Variants in CCSER1 observed in about 807,000 individuals in gnomAD.
CCSER1 encodes serine-rich coiled-coil domain-containing protein 1.
Under a neutral mutation model 82.0 loss-of-function variants are expected in CCSER1, and 41 were observed. The ratio of observed to expected loss-of-function variants is 0.50; its 90% CI spans 0.39 to 0.65. The LOEUF (loss-of-function observed/expected upper bound fraction) is 0.65, where lower values mean the gene tolerates loss of function less well. CCSER1 is among the 30% of genes least tolerant of loss of function. CCSER1 has a pLI of 0.00. For missense variants in CCSER1, 1,119 were observed against 1,064.2 expected (o/e 1.05, Z -0.72); for synonymous variants, 414 against 383.9 (o/e 1.08, Z -0.92).
chr4:90,835,028 G>C (rs62311113), intron 8 of CCSER1, among the ~76,000 whole-genome samples: 47 of 151,918 alleles, frequency 3.1e-4, no homozygotes, highest in Non-Finnish European at 5.9e-4. Context: ...ATTTATTCTT[G>C]GGCTTTTAAT....
intron 10 of CCSER1, among the ~76,000 whole-genome samples, chr4:91,142,883 T>A (rs975611530): frequency 2.0e-5 from 3 of 152,096 alleles, no homozygotes; most frequent in African/African-American, 7.2e-5. Flanking sequence ...TTACTGTAAC[T>A]TTGTAGGGTA....
rs78144058 is a variant in CCSER1 at position 91,546,082 on chromosome 4, T to G, written c.2218-52490T>G. 4.1e-3 allele frequency among the ~76,000 whole-genome samples: 630 copies of G among 152,132 alleles called. 6 individuals carry two copies. Among genetic ancestry groups the G allele is most frequent in the African/African-American group, 0.014 (600 of 41,542 alleles). On this transcript the variant is annotated intron_variant, in intron 10 of 10. Transcript: ENST00000509176. ...TTTTGCCTGCTGGTATGATTGATTA[T>G]CTGAATTGAATATGAAAAGTTGAAC... is the stretch of plus-strand genomic sequence containing the variant.
chr4:90,449,101 A>C (rs149837924), intron 4 of CCSER1, among the ~76,000 whole-genome samples: 4 of 152,328 alleles, frequency 2.6e-5, no homozygotes, highest in Non-Finnish European at 4.4e-5. Flanking sequence ...CTCCACAGGC[A>C]GGTCACCCTG....
chr4:91,388,317 T>A (rs1021009546), intron 10 of CCSER1, among the ~76,000 whole-genome samples: 1 of 152,112 alleles, frequency 6.6e-6, no homozygotes, highest in African/African-American at 2.4e-5. Context: ...TATAAATATA[T>A]ACACACCAAA....
intron 1 of CCSER1, among the ~76,000 whole-genome samples, chr4:90,295,990 G>A (rs574248418): frequency 6.6e-6 from 1 of 151,858 alleles, no homozygotes; most frequent in African/African-American, 2.4e-5. Context: ...ATTCTCCAAT[G>A]GAAGATATAA....
chr4:91,016,534 T>C (rs181958718), intron 9 of CCSER1, among the ~76,000 whole-genome samples: 12 of 152,176 alleles, frequency 7.9e-5, no homozygotes, highest in Middle Eastern at 3.4e-3. Flanking sequence ...GTAGTAGCTA[T>C]TGCACATTTT....
chr4:91,399,218 T>A (rs569216843), intron 10 of CCSER1, among the ~76,000 whole-genome samples: 1 of 151,980 alleles, frequency 6.6e-6, no homozygotes, highest in African/African-American at 2.4e-5. Flanking sequence ...CAAGACATGA[T>A]AATTAACTTA....
intron 10 of CCSER1, among the ~76,000 whole-genome samples, chr4:91,369,868 G>T (rs899673998): frequency 2.0e-5 from 3 of 149,850 alleles, no homozygotes; most frequent in African/African-American, 7.4e-5. Flanking sequence ...TTTTAGGAGA[G>T]ACGGGGTTTC....
At chr4:90,848,587 A>G (rs1246176676) in intron 8 of CCSER1, among the ~76,000 whole-genome samples, 2 of 152,158 alleles carry the variant, frequency 1.3e-5, no homozygotes, top group East Asian at 1.9e-4. Context: ...CTGATAACTC[A>G]TTTTAGTTAC....
rs113933747 is a variant in CCSER1, at chr4:91,078,239, G to A, written c.2173-7711G>A. Among the ~76,000 whole-genome samples the A allele has an allele frequency of 7.7e-3, 1,167 of 152,266 alleles. 12 individuals carry two copies. Among genetic ancestry groups the A allele is most frequent in the African/African-American group, 0.026 (1,087 of 41,554 alleles). ...ATAAGGCTGGTTGCCCCTCTGAGACGAAGCTTCCAGAGGAAGGATTAGGCA... is the reference window on the plus strand; with the variant it reads ...ATAAGGCTGGTTGCCCCTCTGAGACAAAGCTTCCAGAGGAAGGATTAGGCA... On this transcript the variant is annotated intron_variant, in intron 9 of 10. Transcript: ENST00000509176.
chr4:91,338,466 C>G (rs145760043), intron 10 of CCSER1, among the ~76,000 whole-genome samples: 1 of 152,148 alleles, frequency 6.6e-6, no homozygotes, highest in Non-Finnish European at 1.5e-5. Context: ...GTGCCATCAT[C>G]TAATATTTAT....
intron 10 of CCSER1, among the ~76,000 whole-genome samples, chr4:91,158,620 CTGTGTG>C (rs145928017): frequency 1.4e-4 from 21 of 148,644 alleles, no homozygotes; most frequent in African/African-American, 3.4e-4. Context: ...CCCTCTCTTT[CTGTGTG>C]TGTGTGTGTG....
At chr4:90,621,481 C>G (rs1436823965) in intron 5 of CCSER1, among the ~76,000 whole-genome samples, 1 of 142,142 alleles carries the variant, frequency 7.0e-6, no homozygotes, top group Admixed American at 6.9e-5. Context: ...TTTTTTTCAT[C>G]TTTATAATGT....
At chr4:90,874,800 C>A (rs1766985554) in intron 8 of CCSER1, among the ~76,000 whole-genome samples, 1 of 152,122 alleles carries the variant, frequency 6.6e-6, no homozygotes, top group Admixed American at 6.6e-5. Context: ...GTAATCCCAG[C>A]ACTTTGGGAG....
At chr4:91,223,993 C>T (rs1426337410) in intron 10 of CCSER1, among the ~76,000 whole-genome samples, 2 of 150,572 alleles carry the variant, frequency 1.3e-5, no homozygotes, top group East Asian at 3.9e-4. Flanking sequence ...AGATTATTTC[C>T]AAACAATATT....
intron 7 of CCSER1, among the ~76,000 whole-genome samples, chr4:90,753,340 T>C (rs1580313368): frequency 1.3e-5 from 2 of 152,268 alleles, no homozygotes; most frequent in African/African-American, 4.8e-5. Flanking sequence ...TTTCCCCTCA[T>C]TTGCTTCTCC....
chr4:91,266,823 T>C (rs1741631114), intron 10 of CCSER1, among the ~76,000 whole-genome samples: 1 of 152,230 alleles, frequency 6.6e-6, no homozygotes, highest in Non-Finnish European at 1.5e-5. Context: ...ATTATATATC[T>C]GGCCTAAGGA....
At chr4:90,249,621 A>T (rs1428393424) in intron 1 of CCSER1, among the ~76,000 whole-genome samples, 1 of 152,068 alleles carries the variant, frequency 6.6e-6, no homozygotes, top group East Asian at 1.9e-4. Context: ...GGCTCCTTTC[A>T]CTTAGCATAA....
At chr4:90,560,045 C>T (rs999632435) in intron 5 of CCSER1, among the ~76,000 whole-genome samples, 2 of 151,816 alleles carry the variant, frequency 1.3e-5, no homozygotes, top group African/African-American at 4.8e-5. Context: ...TTCACAGTTA[C>T]GATAATAGCC....
Sources: allele counts gnomAD v4.1 joint callset (sites outside exome capture counted in the v4.1 genomes callset), GRCh38; gene constraint gnomAD v4.1.1; transcripts MANE v1.5; gene names NCBI Gene and HGNC (gene_info 2026-07-23, HGNC 2026-07-21).